The following PLD5 variants were observed in gnomAD, a reference collection of about 807,000 sequenced individuals.
PLD5 encodes inactive phospholipase D5.
Under a neutral mutation model 61.1 loss-of-function variants are expected in PLD5, and 36 were observed. That is an observed-to-expected ratio of 0.59 (90% CI 0.45 to 0.78). PLD5 has a LOEUF of 0.78. Among genes scored for constraint, PLD5 ranks in the 30% least tolerant of loss-of-function variants. The pLI, the probability that PLD5 is intolerant of heterozygous loss-of-function variation, is 0.00. For missense variants in PLD5, 515 were observed against 644.4 expected (o/e 0.80, Z 2.17); for synonymous variants, 243 against 242.8 (o/e 1.00, Z -0.01).
intron 1 of PLD5, among the ~76,000 whole-genome samples, chr1:242,368,039 G>T (rs889713906): frequency 7.2e-5 from 11 of 152,124 alleles, no homozygotes; most frequent in African/African-American, 2.4e-4. Flanking sequence ...ATTAGACTGA[G>T]GCAATTCCAC....
intron 2 of PLD5, among the ~76,000 whole-genome samples, chr1:242,323,465 A>G (rs1240383413): frequency 6.6e-6 from 1 of 152,244 alleles, no homozygotes; most frequent in African/African-American, 2.4e-5. Context: ...TTTAAAACAG[A>G]AATCCCTTCC....
At chr1:242,525,577 T>C (rs943595670), upstream of PLD5, among the ~76,000 whole-genome samples, 2 of 152,212 alleles carry the variant, frequency 1.3e-5, no homozygotes, top group Non-Finnish European at 2.9e-5. Flanking sequence ...TCTCGAAACA[T>C]TTTTTGGTTT....
At chr1:242,414,615 G>A (rs1409964639) in intron 1 of PLD5, among the ~76,000 whole-genome samples, 1 of 152,174 alleles carries the variant, frequency 6.6e-6, no homozygotes, top group Non-Finnish European at 1.5e-5. Flanking sequence ...TTTCCTTAGT[G>A]AATACATCAG....
intron 4 of PLD5, among the ~76,000 whole-genome samples, chr1:242,223,751 C>T (rs1403711057): frequency 6.6e-6 from 1 of 152,038 alleles, no homozygotes; most frequent in Non-Finnish European, 1.5e-5. Context: ...TATCACTTCC[C>T]CATTGCAAAT....
chr1:242,130,176 C>T (rs1321542374), intron 5 of PLD5, among the ~76,000 whole-genome samples: 9 of 152,010 alleles, frequency 5.9e-5, no homozygotes, highest in Admixed American at 5.9e-4. Context: ...CTCAGCCTCC[C>T]AAGTAGCTGT....
rs112247476 is a variant in PLD5 at position 242,491,956 on chromosome 1, A to G, written c.189+32132T>C. On this transcript the variant is annotated intron_variant, in intron 1 of 9. Transcript: ENST00000536534. ...AGACCTTGGAGCTCAAGAATGCTAG[A>G]CATTTATCACAGGCTTGAAATTCAC... Among the ~76,000 whole-genome samples the G allele has an allele frequency of 3.5e-4, 53 of 152,344 alleles. 1 individual carries two copies. Among genetic ancestry groups the G allele is most frequent in the African/African-American group, 1.2e-3 (50 of 41,578 alleles).
In PLD5 at chr1:242,194,614, C is replaced by CTATCTATG. The variant is rs1264104648; in HGVS notation, c.735+25373_735+25374insCATAGATA. On this transcript the variant is annotated intron_variant, in intron 5 of 9. Transcript: ENST00000536534. ...TCTATCTATCTATCTATGTATCTAT[C>CTATCTATG]TATGTATCTATCTATCTATCTATCT... is the stretch of plus-strand genomic sequence containing the variant. Among the ~76,000 whole-genome samples, 4 of 62,640 alleles carry CTATCTATG rather than the reference C, an allele frequency of 6.4e-5. No homozygotes were observed. In the East Asian group the frequency reaches 2.5e-3, roughly 39 times the overall value. The allele number at this position is 62,640 out of a possible 152,430, so 41.1% of individuals were successfully genotyped here.
intron 7 of PLD5, among the ~76,000 whole-genome samples, chr1:242,112,301 GTGTGTGT>G (rs1661571101): frequency 5.8e-5 from 6 of 103,004 alleles, no homozygotes; most frequent in African/African-American, 3.2e-4. Context: ...GTGTGTGTGT[GTGTGTGT>G]GTGTGTGTGT....
chr1:242,443,710 C>A (rs758043681), intron 1 of PLD5, among the ~76,000 whole-genome samples: 1 of 152,114 alleles, frequency 6.6e-6, no homozygotes, highest in East Asian at 1.9e-4. Context: ...TTCTTGAGTC[C>A]ACATTTATAG....
intron 8 of PLD5, 128 bp downstream of exon 8, chr1:242,107,543 C>T (rs1010165998): frequency 1.1e-5 from 10 of 888,878 alleles, no homozygotes; most frequent in East Asian, 1.1e-4. Flanking sequence ...AATTACTTAA[C>T]GTGCTTTTTG....
intron 1 of PLD5, among the ~76,000 whole-genome samples, chr1:242,447,856 C>T (rs893501494): frequency 6.6e-6 from 1 of 152,174 alleles, no homozygotes; most frequent in Non-Finnish European, 1.5e-5. Context: ...TATGCCCATG[C>T]TCAAAGTATG....
At chr1:242,134,008 G>A (rs60275173) in intron 5 of PLD5, among the ~76,000 whole-genome samples, 7,372 of 152,212 alleles carry the variant, frequency 0.048, 603 homozygotes, top group African/African-American at 0.17. Context: ...GCTTCTTAAT[G>A]AGCAGTGAGG....
chr1:242,304,454 GT>G (rs1383623085), intron 2 of PLD5, among the ~76,000 whole-genome samples: 3 of 152,208 alleles, frequency 2.0e-5, no homozygotes, highest in African/African-American at 7.2e-5. Context: ...TATGGCTTAA[GT>G]TTCTTCCGAG....
intron 1 of PLD5, among the ~76,000 whole-genome samples, chr1:242,493,377 G>A (rs573318979): frequency 2.6e-5 from 4 of 152,236 alleles, no homozygotes; most frequent in South Asian, 2.1e-4. Flanking sequence ...CTGAAGCCTC[G>A]ACATGCAGGG....
At chr1:242,302,589 T>G (rs1380237250) in intron 2 of PLD5, among the ~76,000 whole-genome samples, 1 of 152,166 alleles carries the variant, frequency 6.6e-6, no homozygotes. Context: ...TATGGTAGCA[T>G]GTGCCTGTAG....
chr1:242,275,741 G>T (rs1279783089), intron 3 of PLD5, among the ~76,000 whole-genome samples: 1 of 152,158 alleles, frequency 6.6e-6, no homozygotes, highest in African/African-American at 2.4e-5. Context: ...CCAAAGAAAG[G>T]TAGGGAAGAA....
Position 242,394,174 on chromosome 1 carries a change from G to GTA in PLD5, c.190-45934_190-45933dup, listed in dbSNP as rs1166391785. 1.1e-3 allele frequency among the ~76,000 whole-genome samples: 84 copies of GTA among 75,494 alleles called. 12 individuals carry two copies. The highest frequency in any genetic ancestry group is 1.7e-3 in the African/African-American group (27 of 15,584). The allele number at this position is 75,494 out of a possible 152,430, so 49.5% of individuals were successfully genotyped here. A position where few individuals can be genotyped will look rare whatever the true frequency, so the allele number is the denominator to read the frequency against. On this transcript the variant is annotated intron_variant, in intron 1 of 9. Transcript: ENST00000536534. The stretch of plus-strand genomic sequence containing the variant: ...TGTATATATATGAGTATATATATGT[G>GTA]TATATATGAGTATATATGAGTATAT...
chr1:242,519,222 C>CA lies in PLD5; in HGVS notation c.189+4865dup, dbSNP rs562318864. ...ATTTTCATGGATCTGCTCCGTGGGACAAAAATGACATTACATAATATGAGC... is the reference window on the plus strand; with the variant it reads ...ATTTTCATGGATCTGCTCCGTGGGACAAAAAATGACATTACATAATATGAGC... On this transcript the variant is annotated intron_variant, in intron 1 of 9. Transcript: ENST00000536534. Among the ~76,000 whole-genome samples, 42 of 152,248 alleles carry CA rather than the reference C, an allele frequency of 2.8e-4. No homozygotes were observed. The East Asian group carries it at 8.1e-3, about 29-fold the overall frequency.
intron 2 of PLD5, among the ~76,000 whole-genome samples, chr1:242,327,194 A>G (rs1658852114): frequency 6.6e-6 from 1 of 151,782 alleles, no homozygotes; most frequent in African/African-American, 2.4e-5. Flanking sequence ...GTTTGTAGAA[A>G]CGGGGTCTCA....
Sources: gnomAD v4.1 joint callset for allele counts (sites outside exome capture counted in the v4.1 genomes callset) on GRCh38, gnomAD v4.1.1 for gene constraint, MANE v1.5 for transcripts, NCBI Gene and HGNC (gene_info 2026-07-23, HGNC 2026-07-21) for gene names.